The following FUT8 variants were observed in gnomAD, a reference collection of about 807,000 sequenced individuals.
The protein encoded by FUT8 is alpha-(1,6)-fucosyltransferase.
Under a neutral mutation model 71.3 loss-of-function variants are expected in FUT8, and 29 were observed. The observed-to-expected ratio is 0.41, with a 90% CI of 0.30 to 0.55. The LOEUF (loss-of-function observed/expected upper bound fraction) is 0.55. Among genes scored for constraint, FUT8 ranks in the 20% least tolerant of loss-of-function variants. The pLI is 0.34. For synonymous variants in FUT8, 254 were observed against 239.3 expected (o/e 1.06, Z -0.57); for missense variants, 544 against 702.1 (o/e 0.77, Z 2.55).
At chr14:65,387,899 G>T in the FUT8 span, among the ~76,000 whole-genome samples, 2 of 152,130 alleles carry the variant, frequency 1.3e-5, no homozygotes, top group African/African-American at 4.8e-5. Context: ...CGCACTTTTG[G>T]TTTTTAAATA....
chr14:65,508,569 C>T (rs180824577), intron 2 of FUT8, among the ~76,000 whole-genome samples: 11 of 119,094 alleles, frequency 9.2e-5, no homozygotes, highest in African/African-American at 1.9e-4. Context: ...GGCATAATCT[C>T]GGCTCACTAC....
At chr14:65,586,363 C>G (rs1369644479) in intron 3 of FUT8, among the ~76,000 whole-genome samples, 5 of 152,170 alleles carry the variant, frequency 3.3e-5, no homozygotes, top group African/African-American at 1.2e-4. Context: ...TTAGCTAAGA[C>G]ACCAGCCAAG....
At chr14:65,401,095 A>G in the FUT8 span, among the ~76,000 whole-genome samples, 1 of 152,204 alleles carries the variant, frequency 6.6e-6, no homozygotes, top group Admixed American at 6.5e-5. Flanking sequence ...CCAAAAGCCC[A>G]CTTGACTTCA....
At chr14:65,711,163 A>G (rs1055186638) in intron 7 of FUT8, among the ~76,000 whole-genome samples, 3 of 152,254 alleles carry the variant, frequency 2.0e-5, no homozygotes, top group African/African-American at 7.2e-5. Context: ...TGTAACAGTA[A>G]TGATCACTAA....
chr14:65,478,762 TTTTC>T (rs918579446), intron 2 of FUT8, among the ~76,000 whole-genome samples: 6 of 152,202 alleles, frequency 3.9e-5, no homozygotes, highest in East Asian at 1.9e-4. Context: ...ATGAGATATG[TTTTC>T]TTTGTCTTCC....
chr14:65,612,621 C>A (rs1889058846), intron 3 of FUT8, among the ~76,000 whole-genome samples: 1 of 152,138 alleles, frequency 6.6e-6, no homozygotes, highest in Non-Finnish European at 1.5e-5. Flanking sequence ...TTTTTAGACT[C>A]TTAGCTCCAT....
intron 6 of FUT8, among the ~76,000 whole-genome samples, chr14:65,631,146 A>G (rs1035301091): frequency 1.3e-5 from 2 of 152,234 alleles, no homozygotes; most frequent in African/African-American, 4.8e-5. Context: ...GGGAAGAGGT[A>G]ATTATCTCCT....
intron 2 of FUT8, among the ~76,000 whole-genome samples, chr14:65,499,573 G>A (rs1014934247): frequency 2.0e-5 from 3 of 152,040 alleles, no homozygotes; most frequent in African/African-American, 7.2e-5. Flanking sequence ...CAACACTTTG[G>A]GAGGCCGAGG....
intron 1 of FUT8, among the ~76,000 whole-genome samples, chr14:65,426,319 CTTTT>C (rs1333752158): frequency 6.7e-6 from 1 of 149,958 alleles, no homozygotes; most frequent in Non-Finnish European, 1.5e-5. Flanking sequence ...TTACCTCCAC[CTTTT>C]TAAAGTTTTT....
chr14:65,457,088 C>T (rs1566759203), intron 2 of FUT8, among the ~76,000 whole-genome samples: 1 of 152,096 alleles, frequency 6.6e-6, no homozygotes, highest in Non-Finnish European at 1.5e-5. Context: ...GTAAGGTTAA[C>T]TATAATCACC....
At position 65,652,409 on chromosome 14, in the gene FUT8, A is replaced by C. The variant is rs921637577; in HGVS notation, c.598-16834A>C. Among the ~76,000 whole-genome samples, 3 of 152,198 alleles carry C rather than the reference A, an allele frequency of 2.0e-5. No homozygotes were observed. The highest frequency in any genetic ancestry group is 7.2e-5 in the African/African-American group (3 of 41,454). ...CTGATAAAAATGGAGAGCACATAAG[A>C]AAAAAACTTTTAGTGTACTTCTTCT... On this transcript the variant is annotated intron_variant, in intron 6 of 10. Transcript: ENST00000673929. The surrounding 1 kb of genome is among the most constrained non-coding windows in gnomAD (Gnocchi z 4.0).
At chr14:65,368,087 T>C in the FUT8 span, among the ~76,000 whole-genome samples, 1 of 132,306 alleles carries the variant, frequency 7.6e-6, no homozygotes, top group Non-Finnish European at 1.5e-5. Context: ...GGAGTCTCAC[T>C]CTGTCGCCCA....
chr14:65,616,409 G>T, intron 5 of FUT8, 36 bp downstream of exon 5: 5 of 1,490,910 alleles, frequency 3.4e-6, no homozygotes, highest in Non-Finnish European at 4.5e-6. Context: ...TTGGGCTTTA[G>T]AAAAGATTAT....
chr14:65,590,592 C>T (rs191245664), intron 3 of FUT8, among the ~76,000 whole-genome samples: 9 of 152,198 alleles, frequency 5.9e-5, no homozygotes, highest in Middle Eastern at 3.4e-3. Context: ...TCATCTGTTA[C>T]CTAAATGTGG....
intron 2 of FUT8, among the ~76,000 whole-genome samples, chr14:65,465,857 G>A (rs2066036295): frequency 6.6e-6 from 1 of 152,168 alleles, no homozygotes; most frequent in South Asian, 2.1e-4. Flanking sequence ...TACCGATAGA[G>A]GGTTGTTGAA....
At chr14:65,729,674 T>TTTA (rs1317663063) in intron 9 of FUT8, among the ~76,000 whole-genome samples, 16 of 152,094 alleles carry the variant, frequency 1.1e-4, no homozygotes, top group African/African-American at 3.9e-4. Flanking sequence ...GCCACCACAC[T>TTTA]CAGCTAGATA....
chr14:65,649,982 A>G (rs1178788001), intron 6 of FUT8, among the ~76,000 whole-genome samples: 1 of 152,194 alleles, frequency 6.6e-6, no homozygotes, highest in African/African-American at 2.4e-5. Context: ...TATATATATT[A>G]GTCTATTCTC....
intron 2 of FUT8, among the ~76,000 whole-genome samples, chr14:65,468,639 CAT>C (rs1349487504): frequency 6.6e-6 from 1 of 152,086 alleles, no homozygotes; most frequent in Non-Finnish European, 1.5e-5. Flanking sequence ...GCTTCACTAT[CAT>C]TTGCCTATGT....
chr14:65,446,067 C>A (rs979202934), intron 1 of FUT8, among the ~76,000 whole-genome samples: 2 of 152,176 alleles, frequency 1.3e-5, no homozygotes, highest in African/African-American at 4.8e-5. Flanking sequence ...TTTTATAACC[C>A]AAGTGATACT....
Sources: gnomAD v4.1 joint callset for allele counts (sites outside exome capture counted in the v4.1 genomes callset) on GRCh38, gnomAD v4.1.1 for gene constraint, Gnocchi (gnomAD v3.1) non-coding constraint, MANE v1.5 for transcripts, NCBI Gene and HGNC (gene_info 2026-07-23, HGNC 2026-07-21) for gene names.